RNASEH2B: variants seen among roughly 807,000 people sequenced by gnomAD.
The protein encoded by RNASEH2B is Aicardi-Goutieres syndrome 2 protein.
In RNASEH2B, 36 loss-of-function variants were observed where a neutral mutation model predicts 45.0. The observed-to-expected ratio is 0.80, with a 90% CI of 0.61 to 1.06. The LOEUF is 1.06. RNASEH2B is among the 50% of genes least tolerant of loss of function. RNASEH2B has a pLI of 0.00. For missense variants in RNASEH2B, 361 were observed against 360.3 expected (o/e 1.00, Z -0.02); for synonymous variants, 119 against 125.7 (o/e 0.95, Z 0.35).
intron 1 of RNASEH2B, chr13:50,911,060 A>C (rs1248698607): frequency 6.6e-6 from 1 of 152,340 alleles, no homozygotes; most frequent in Middle Eastern, 3.4e-3. Context: ...ACATACATAA[A>C]GTGTACGGAT....
chr13:50,949,353 A>G, intron 8 of RNASEH2B, 110 bp from the exon 9 acceptor site: 3 of 900,572 alleles, frequency 3.3e-6, no homozygotes, highest in Non-Finnish European at 5.6e-6. Flanking sequence ...ATATGGAGGT[A>G]AAGCTGTAAG....
At chr13:50,926,155 A>G (rs1045332219) in intron 1 of RNASEH2B, among the ~76,000 whole-genome samples, 14 of 149,918 alleles carry the variant, frequency 9.3e-5, no homozygotes, top group Non-Finnish European at 1.9e-4. Flanking sequence ...AGAAATCTCA[A>G]TTTTTTTTTT....
chr13:50,910,305 C>G, intron 1 of RNASEH2B, 165 bp downstream of exon 1: 1 of 463,708 alleles, frequency 2.2e-6, no homozygotes, highest in Non-Finnish European at 3.6e-6. Context: ...CACGTCATAG[C>G]AAGCCGCGGT....
chr13:50,956,841 A>G (rs989271758), downstream of RNASEH2B: 6 of 579,798 alleles, frequency 1.0e-5, no homozygotes, highest in African/African-American at 2.0e-5. Context: ...ACTGAGAGAA[A>G]CTGGATTACA....
In RNASEH2B at chr13:50,928,210, C is replaced by T. The variant is rs1019077049; in HGVS notation, c.136+732C>T. On this transcript the variant is annotated intron_variant, in intron 2 of 10. Transcript: ENST00000336617. ...TAATTTATAAGGTTTTGTGTAGACA[C>T]CTGATACTTGCCATATTAGAGGTTT... is the stretch of plus-strand genomic sequence containing the variant. Among the ~76,000 whole-genome samples the T allele has an allele frequency of 3.3e-5, 5 of 152,180 alleles. No individual in the cohort carries two copies. The South Asian group carries it at 8.3e-4, about 25-fold the overall frequency.
chr13:50,918,759 T>C (rs1261049924), intron 1 of RNASEH2B, among the ~76,000 whole-genome samples: 1 of 152,168 alleles, frequency 6.6e-6, no homozygotes, highest in Non-Finnish European at 1.5e-5. Flanking sequence ...TCCAAGGAAG[T>C]ATCTGGCAAA....
intron 9 of RNASEH2B, among the ~76,000 whole-genome samples, chr13:50,969,522 C>CAAAAA (rs3042194): frequency 2.0e-5 from 2 of 100,574 alleles, no homozygotes; most frequent in Non-Finnish European, 4.4e-5. Flanking sequence ...ACTGCCTCTA[C>CAAAAA]AAAAAAAAAA....
At chr13:50,961,659 G>A (rs144529577), downstream of RNASEH2B, among the ~76,000 whole-genome samples, 140 of 152,204 alleles carry the variant, frequency 9.2e-4, no homozygotes, top group African/African-American at 2.9e-3. Context: ...CCAAGATCTA[G>A]GCAGTAGGTA....
chr13:50,947,856 G>A (rs1951924468), intron 7 of RNASEH2B, 131 bp from the exon 8 acceptor site: 1 of 1,451,036 alleles, frequency 6.9e-7, no homozygotes, highest in East Asian at 2.3e-5. Context: ...TGAGAAAACT[G>A]AGGCTAGAGC....
At chr13:50,966,869 A>T (rs1204751418) in intron 9 of RNASEH2B, among the ~76,000 whole-genome samples, 1 of 152,214 alleles carries the variant, frequency 6.6e-6, no homozygotes, top group Non-Finnish European at 1.5e-5. Flanking sequence ...CAAACTTCTG[A>T]CAACAGTGAA....
At chr13:50,948,095 A>G (rs1264129048) in intron 8 of RNASEH2B, 27 bp downstream of exon 8, 2 of 1,608,398 alleles carry the variant, frequency 1.2e-6, no homozygotes, top group Non-Finnish European at 1.7e-6. Flanking sequence ...TTCAGTCATA[A>G]TGAAGTACCA....
intron 1 of RNASEH2B, among the ~76,000 whole-genome samples, chr13:50,914,765 T>C (rs1879637849): frequency 6.6e-6 from 1 of 152,156 alleles, no homozygotes; most frequent in South Asian, 2.1e-4. Flanking sequence ...AAGTAAGAAC[T>C]CATGACTCCC....
At chr13:50,951,763 A>G (rs1157145640) in intron 9 of RNASEH2B, 1 of 152,132 alleles carries the variant, frequency 6.6e-6, no homozygotes, top group Non-Finnish European at 1.5e-5. Flanking sequence ...AAATGCTTCA[A>G]TCATCTTTTT....
exon 10 of RNASEH2B, chr13:50,969,997 TC>T (rs1952204745): frequency 6.5e-7 from 1 of 1,549,392 alleles, no homozygotes; most frequent in South Asian, 1.2e-5. Context: ...TTGGCGGTTT[TC>T]CCTGCAACTT....
chr13:50,955,679 C>T (rs1468630493), intron 10 of RNASEH2B: 1 of 152,172 alleles, frequency 6.6e-6, no homozygotes, highest in Non-Finnish European at 1.5e-5. Flanking sequence ...ATTTATGCTT[C>T]TTCTGAACAA....
chr13:50,934,762 T>G, intron 4 of RNASEH2B, 123 bp from the exon 5 acceptor site: 1 of 724,132 alleles, frequency 1.4e-6, no homozygotes, highest in South Asian at 1.5e-5. Flanking sequence ...ATTCCTTAGA[T>G]GGAATAGGTG....
intron 1 of RNASEH2B, among the ~76,000 whole-genome samples, chr13:50,920,575 T>G (rs1220550221): frequency 6.6e-6 from 1 of 152,258 alleles, no homozygotes; most frequent in African/African-American, 2.4e-5. Context: ...GTCTGAGTTT[T>G]TTCTTTTTTT....
chr13:50,930,650 T>TGGCTA (rs1449122840), intron 3 of RNASEH2B, 33 bp from the exon 4 acceptor site: 1 of 1,497,416 alleles, frequency 6.7e-7, no homozygotes, highest in Non-Finnish European at 9.3e-7. Context: ...TTCCAAGACG[T>TGGCTA]TTAATTCCCT....
At position 50,948,022 on chromosome 13, in the gene RNASEH2B, G is replaced by T; in HGVS notation, c.652G>T (p.Asp218Tyr). The T allele has an allele frequency of 6.2e-7, 1 of 1,610,878 alleles. No individual in the cohort carries two copies. Among genetic ancestry groups the T allele is most frequent in the African/African-American group, 1.3e-5 (1 of 74,754 alleles). The change falls in exon 8 of 11, where the codon GAC (aspartate) becomes TAC (tyrosine). Residue 218 changes from aspartate (D) to tyrosine (Y), a missense_variant. Transcript: ENST00000336617. Reference protein sequence around the residue: ...YIRYAHGLISDYIPKELSDDL... With the variant: ...YIRYAHGLISYYIPKELSDDL... ...TCGTTATGCCCATGGTCTGATATCT[G>T]ACTACATCCCTAAAGAATTAAGTGA...
Sources: gnomAD v4.1 joint callset for allele counts (sites outside exome capture counted in the v4.1 genomes callset) on GRCh38, gnomAD v4.1.1 for gene constraint, MANE v1.5 for transcripts, NCBI Gene and HGNC (gene_info 2026-07-23, HGNC 2026-07-21) for gene names.